Variants in ETFA observed in about 807,000 individuals in gnomAD.
ETFA encodes electron transfer flavoprotein subunit alpha, mitochondrial.
Under a neutral mutation model 46.2 loss-of-function variants are expected in ETFA, and 22 were observed. That is an observed-to-expected ratio of 0.48 (90% CI 0.34 to 0.68). The LOEUF (loss-of-function observed/expected upper bound fraction) is 0.68. Among genes scored for constraint, ETFA ranks in the 30% least tolerant of loss-of-function variants. The pLI is 0.01. For synonymous variants in ETFA, 131 were observed against 139.9 expected, an observed-to-expected ratio of 0.94 and a Z score of 0.45; for missense variants, 345 against 401.1, an observed-to-expected ratio of 0.86 and a Z score of 1.19.
At chr15:76,296,456 C>T (rs983044256) in intron 1 of ETFA, among the ~76,000 whole-genome samples, 3 of 152,160 alleles carry the variant, frequency 2.0e-5, no homozygotes, top group African/African-American at 7.2e-5. Flanking sequence ...TGGTTACATA[C>T]TGTACTCCTA....
Position 76,216,614 on chromosome 15 carries a change from A to G in ETFA, c.964-17T>C, listed in dbSNP as rs1567192766. ...AGGAACTACCTGCAAATAAAAACAA[A>G]AAGTAATTAAGCAACTAGAGCCTTC... On this transcript the variant is annotated splice_polypyrimidine_tract_variant and intron_variant, in intron 11 of 11. Transcript: ENST00000557943. 5 of 1,537,106 alleles carry G rather than the reference A, an allele frequency of 3.3e-6. No homozygotes were observed. The highest frequency in any genetic ancestry group is 4.5e-6 in the Non-Finnish European group (5 of 1,109,778).
intron 1 of ETFA, among the ~76,000 whole-genome samples, chr15:76,303,752 T>C (rs117257475): frequency 0.069 from 10,485 of 152,266 alleles, 489 homozygotes; most frequent in Admixed American, 0.11. Context: ...CAATGAGACA[T>C]CTCACACCAG....
At chr15:76,256,089 C>T (rs1266470789) in intron 9 of ETFA, among the ~76,000 whole-genome samples, 2 of 151,622 alleles carry the variant, frequency 1.3e-5, no homozygotes, top group African/African-American at 4.8e-5. Flanking sequence ...GAAACCTTAT[C>T]TCCACTAAAA....
At chr15:76,280,346 T>C (rs2039635291) in intron 8 of ETFA, among the ~76,000 whole-genome samples, 1 of 152,200 alleles carries the variant, frequency 6.6e-6, no homozygotes, top group Non-Finnish European at 1.5e-5. Flanking sequence ...AACTCCATCC[T>C]ACCACTCGCC....
chr15:76,274,142 C>A (rs1375941107), intron 9 of ETFA: 2 of 418,944 alleles, frequency 4.8e-6, no homozygotes, highest in African/African-American at 4.0e-5. Context: ...CTGCTTTTAT[C>A]AATGTTTTAT....
intron 9 of ETFA, among the ~76,000 whole-genome samples, chr15:76,233,672 A>G (rs1041913687): frequency 3.3e-5 from 5 of 152,184 alleles, no homozygotes; most frequent in Non-Finnish European, 1.5e-5. Flanking sequence ...TCTGACTAGC[A>G]TTTCATTCAT....
At chr15:76,286,134 C>G (rs555501076) in intron 6 of ETFA, among the ~76,000 whole-genome samples, 1 of 152,184 alleles carries the variant, frequency 6.6e-6, no homozygotes, top group Admixed American at 6.5e-5. Flanking sequence ...CTTAATAGAT[C>G]CTCTGTCTCC....
At chr15:76,249,967 C>T (rs2039281678) in intron 9 of ETFA, among the ~76,000 whole-genome samples, 1 of 152,152 alleles carries the variant, frequency 6.6e-6, no homozygotes, top group Admixed American at 6.5e-5. Context: ...GCTAGATTCT[C>T]TACAATTAGC....
Position 76,285,657 on chromosome 15 carries a change from G to A in ETFA, c.644C>T (p.Ala215Val). The A allele has an allele frequency of 6.2e-7, 1 of 1,603,684 alleles. No individual in the cohort carries two copies. Among genetic ancestry groups the A allele is most frequent in the Non-Finnish European group, 8.5e-7 (1 of 1,170,860 alleles). Residue 215 changes from alanine (A) to valine (V), a missense_variant, in exon 7 of 12, where the codon GCC becomes GTC. Ala to Val is a moderately conservative substitution (Grantham distance 64, BLOSUM62 0). Coordinates refer to ENST00000557943, the MANE Select transcript of ETFA (RefSeq NM_000126.4). ...CTTACCACCAGATACCACCACTTTG[G>A]CACCTGTTAGCTCTGGTCGATCACT... is the stretch of plus-strand genomic sequence containing the variant. ...TKSDRPELTG[A>V]KVVVSGGRGL...
chr15:76,280,488 A>C (rs2039636778), intron 8 of ETFA, among the ~76,000 whole-genome samples: 1 of 152,138 alleles, frequency 6.6e-6, no homozygotes, highest in Non-Finnish European at 1.5e-5. Context: ...CCAAACTATG[A>C]GTATCTCCCA....
chr15:76,269,392 C>A (rs754158902), intron 9 of ETFA, among the ~76,000 whole-genome samples: 27 of 152,194 alleles, frequency 1.8e-4, no homozygotes, highest in Non-Finnish European at 3.5e-4. Context: ...TCTAGCACAC[C>A]CATTATCTCA....
chr15:76,219,920 A>G (rs2038941463), intron 11 of ETFA, among the ~76,000 whole-genome samples: 1 of 152,340 alleles, frequency 6.6e-6, no homozygotes, highest in Non-Finnish European at 1.5e-5. Flanking sequence ...AAGCAGTTTG[A>G]AGGTTCTTCA....
intron 1 of ETFA, among the ~76,000 whole-genome samples, chr15:76,305,073 A>T (rs1056165091): frequency 2.6e-5 from 4 of 151,738 alleles, no homozygotes; most frequent in East Asian, 1.9e-4. Flanking sequence ...AAGAAAGAAA[A>T]TCCTCCGCTC....
At position 76,216,576 on chromosome 15, in the gene ETFA, T is replaced by G. The variant is rs765039243; in HGVS notation, c.985A>C (p.Ile329Leu). 1.9e-6 allele frequency: 3 copies of G among 1,590,360 alleles called. No individual in the cohort carries two copies. The highest frequency in any genetic ancestry group is 1.7e-6 in the Non-Finnish European group (2 of 1,158,510). ...LFKVVPEMTE[I>L]LKKK The stretch of plus-strand genomic sequence containing the variant: ...ATCCTGATTCATTTTTTCTTCAATA[T>G]CTCAGTCATTTCAGGAACTACCTGC... The change falls in exon 12 of 12, where the codon ATA (isoleucine) becomes CTA (leucine). Residue 329 changes from isoleucine to leucine, a missense_variant. Physicochemically the swap from Ile to Leu is conservative, Grantham distance 5. Coordinates refer to ENST00000557943, the MANE Select transcript of ETFA (RefSeq NM_000126.4).
intron 4 of ETFA, among the ~76,000 whole-genome samples, chr15:76,288,452 C>T (rs997904868): frequency 6.6e-6 from 1 of 152,078 alleles, no homozygotes; most frequent in Non-Finnish European, 1.5e-5. Context: ...TGGCTGACAC[C>T]TGTAATCCCA....
intron 1 of ETFA, among the ~76,000 whole-genome samples, chr15:76,298,438 G>A (rs946923942): frequency 1.3e-5 from 2 of 152,180 alleles, no homozygotes; most frequent in African/African-American, 4.8e-5. Flanking sequence ...GGCATGTACA[G>A]CTGCTAGAAT....
At chr15:76,306,267 CTTT>C (rs35290919) in intron 1 of ETFA, among the ~76,000 whole-genome samples, 12 of 109,486 alleles carry the variant, frequency 1.1e-4, no homozygotes, top group Non-Finnish European at 1.4e-4. Context: ...TTTTTTGCTT[CTTT>C]TTTTTTTTTT....
At chr15:76,239,896 T>A (rs750695766) in intron 9 of ETFA, among the ~76,000 whole-genome samples, 2 of 152,122 alleles carry the variant, frequency 1.3e-5, no homozygotes, top group Non-Finnish European at 2.9e-5. Context: ...TCATGAATAA[T>A]GACAAGCTAC....
intron 1 of ETFA, among the ~76,000 whole-genome samples, chr15:76,301,812 C>T (rs1466334860): frequency 6.6e-6 from 1 of 152,060 alleles, no homozygotes; most frequent in African/African-American, 2.4e-5. Flanking sequence ...TGATAAAAGA[C>T]TTATCTAAAA....
Sources: gnomAD v4.1 joint callset for allele counts (sites outside exome capture counted in the v4.1 genomes callset) on GRCh38, gnomAD v4.1.1 for gene constraint, MANE v1.5 for transcripts, NCBI Gene and HGNC (gene_info 2026-07-23, HGNC 2026-07-21) for gene names.